SLC24A2: variants seen among roughly 807,000 people sequenced by gnomAD.
SLC24A2 encodes solute carrier family 24 member 2, also known as sodium/potassium/calcium exchanger 2.
SLC24A2 carries 36 observed loss-of-function variants against 62.0 expected under a neutral mutation model. That is an observed-to-expected ratio of 0.58 (90% confidence interval 0.44 to 0.77). The LOEUF (loss-of-function observed/expected upper bound fraction) is 0.77. Ranked by LOEUF, SLC24A2 falls within the 30% of genes least tolerant of loss-of-function variation. The pLI, the probability that SLC24A2 is intolerant of heterozygous loss-of-function variation, is 0.00. For synonymous variants in SLC24A2, 358 were observed against 294.0 expected (o/e 1.22, Z -2.23); for missense variants, 846 against 817.9 (o/e 1.03, Z -0.42).
the SLC24A2 span, among the ~76,000 whole-genome samples, chr9:20,048,895 C>A: frequency 6.6e-6 from 1 of 151,330 alleles, no homozygotes; most frequent in Non-Finnish European, 1.5e-5. Flanking sequence ...CTTCTTTCCG[C>A]TTTTTTTCCT....
chr9:19,754,052 C>G (rs1379971118), intron 2 of SLC24A2, among the ~76,000 whole-genome samples: 2 of 152,160 alleles, frequency 1.3e-5, no homozygotes, highest in African/African-American at 4.8e-5. Flanking sequence ...ATTTTAAAAA[C>G]TCCTATCCTT....
At chr9:19,708,616 T>C (rs1820610593) in intron 2 of SLC24A2, among the ~76,000 whole-genome samples, 1 of 152,146 alleles carries the variant, frequency 6.6e-6, no homozygotes, top group African/African-American at 2.4e-5. Flanking sequence ...TCTACAACCA[T>C]CTGATTTTTG....
chr9:19,915,661 G>T, the SLC24A2 span, among the ~76,000 whole-genome samples: 4 of 151,926 alleles, frequency 2.6e-5, no homozygotes, highest in African/African-American at 9.7e-5. Context: ...ATCTCATTGT[G>T]GTTTCTTATT....
At chr9:19,711,432 G>C (rs1046380244) in intron 2 of SLC24A2, among the ~76,000 whole-genome samples, 2 of 152,148 alleles carry the variant, frequency 1.3e-5, no homozygotes, top group Non-Finnish European at 1.5e-5. Context: ...CACAAAATTT[G>C]ACAACCAATG....
At chr9:20,276,114 C>G in the SLC24A2 span, among the ~76,000 whole-genome samples, 24 of 152,202 alleles carry the variant, frequency 1.6e-4, no homozygotes, top group Non-Finnish European at 3.1e-4. Context: ...ACCTTCCCAA[C>G]AGTCCCCCAA....
chr9:20,169,655 C>A, the SLC24A2 span, among the ~76,000 whole-genome samples: 1 of 151,918 alleles, frequency 6.6e-6, no homozygotes, highest in Admixed American at 6.6e-5. Flanking sequence ...CAAGGGAACA[C>A]CCCATGAAAC....
chr9:19,664,622 T>G (rs1564025161), intron 2 of SLC24A2, among the ~76,000 whole-genome samples: 1 of 152,154 alleles, frequency 6.6e-6, no homozygotes, highest in Non-Finnish European at 1.5e-5. Context: ...ACAGAGTCTT[T>G]GAAGATGTAA....
At chr9:19,758,109 C>CA (rs1345132075) in intron 2 of SLC24A2, among the ~76,000 whole-genome samples, 3 of 152,196 alleles carry the variant, frequency 2.0e-5, no homozygotes, top group Non-Finnish European at 1.5e-5. Context: ...TATAGCAACA[C>CA]AAAACAGACT....
the SLC24A2 span, among the ~76,000 whole-genome samples, chr9:19,983,471 C>T: frequency 1.3e-5 from 2 of 151,982 alleles, no homozygotes; most frequent in Non-Finnish European, 2.9e-5. Flanking sequence ...GGTGAAACCC[C>T]GTCTCTACTA....
chr9:19,785,889 A>G, intron 2 of SLC24A2, 48 bp downstream of exon 2: 1 of 1,613,312 alleles, frequency 6.2e-7, no homozygotes, highest in Non-Finnish European at 8.5e-7. Flanking sequence ...ATAATAATTC[A>G]GAACCGTAGT....
the SLC24A2 span, among the ~76,000 whole-genome samples, chr9:20,205,179 A>T: frequency 6.6e-6 from 1 of 152,196 alleles, no homozygotes; most frequent in East Asian, 1.9e-4. Context: ...CACACTTTTT[A>T]AAAAACTGTA....
the SLC24A2 span, among the ~76,000 whole-genome samples, chr9:20,227,535 T>TA: frequency 0.24 from 30,136 of 124,460 alleles, 4,385 homozygotes; most frequent in East Asian, 0.56. Context: ...CACACATTTC[T>TA]AAAAAAAAAA....
chr9:19,763,248 C>T (rs1208021469), intron 2 of SLC24A2, among the ~76,000 whole-genome samples: 2 of 152,156 alleles, frequency 1.3e-5, no homozygotes, highest in African/African-American at 4.8e-5. Flanking sequence ...AATATACAAT[C>T]GTGTCATCTG....
intron 4 of SLC24A2, among the ~76,000 whole-genome samples, chr9:19,609,747 T>C (rs917589031): frequency 3.9e-4 from 59 of 152,188 alleles, no homozygotes; most frequent in Non-Finnish European, 1.5e-5. Context: ...ACACCAGGGA[T>C]TGGCTTTTGT....
chr9:19,598,921 G>A (rs1836774048), intron 4 of SLC24A2, among the ~76,000 whole-genome samples: 1 of 152,140 alleles, frequency 6.6e-6, no homozygotes, highest in African/African-American at 2.4e-5. Flanking sequence ...CTTCCCTGAG[G>A]TAAGCAGTGG....
At chr9:19,813,870 A>T in the SLC24A2 span, among the ~76,000 whole-genome samples, 1 of 152,068 alleles carries the variant, frequency 6.6e-6, no homozygotes, top group Non-Finnish European at 1.5e-5. Flanking sequence ...TAAACCTGGA[A>T]ATGGGCCCTC....
intron 2 of SLC24A2, among the ~76,000 whole-genome samples, chr9:19,729,610 A>T (rs146041450): frequency 9.3e-4 from 142 of 152,318 alleles, no homozygotes; most frequent in African/African-American, 3.3e-3. Context: ...AGCCAGGAGC[A>T]GAAAGTTAAA....
chr9:19,947,811 AGAAAG>A, the SLC24A2 span, among the ~76,000 whole-genome samples: 16 of 93,970 alleles, frequency 1.7e-4, no homozygotes, highest in African/African-American at 3.1e-4. Context: ...AAAAAAAAAA[AGAAAG>A]AAAGAAAGAA....
At chr9:20,200,898 A>T in the SLC24A2 span, among the ~76,000 whole-genome samples, 1 of 152,248 alleles carries the variant, frequency 6.6e-6, no homozygotes, top group Non-Finnish European at 1.5e-5. Context: ...TTTGGAGGTC[A>T]CAAGTGTGGT....
Sources: allele counts gnomAD v4.1 joint callset (sites outside exome capture counted in the v4.1 genomes callset), GRCh38; gene constraint gnomAD v4.1.1; transcripts MANE v1.5; gene names NCBI Gene and HGNC (gene_info 2026-07-23, HGNC 2026-07-21).